Variants in GNAI2 observed in about 807,000 individuals in gnomAD.
The protein encoded by GNAI2 is guanine nucleotide-binding protein G(i) subunit alpha-2.
GNAI2 carries 4 observed loss-of-function variants against 36.8 expected under a neutral mutation model. The observed-to-expected ratio is 0.11, with a 90% CI of 0.05 to 0.25. The LOEUF (loss-of-function observed/expected upper bound fraction) is 0.25. Among genes scored for constraint, GNAI2 ranks in the 10% least tolerant of loss-of-function variants. The pLI is 1.00. For synonymous variants in GNAI2, 194 were observed against 194.1 expected, an observed-to-expected ratio of 1.00 and a Z score of 0.01; for missense variants, 230 against 481.3, an observed-to-expected ratio of 0.48 and a Z score of 4.89.
intron 1 of GNAI2, among the ~76,000 whole-genome samples, chr3:50,237,914 G>A (rs922261122): frequency 4.6e-5 from 7 of 152,244 alleles, no homozygotes; most frequent in African/African-American, 7.2e-5. Flanking sequence ...ACCTGTGGCC[G>A]AGGAACAGCA....
chr3:50,231,403 C>A (rs113756923), upstream of GNAI2, among the ~76,000 whole-genome samples: 205 of 152,326 alleles, frequency 1.3e-3, no homozygotes, highest in African/African-American at 4.5e-3. Context: ...CTCAGCCTCG[C>A]AAGTAGCCGG....
chr3:50,247,035 T>C, intron 1 of GNAI2: 1 of 1,022,680 alleles, frequency 9.8e-7, no homozygotes, highest in Non-Finnish European at 1.5e-6. Context: ...TCAAATGAGA[T>C]GACCACAGCA....
upstream of GNAI2, chr3:50,236,142 C>G: frequency 8.7e-7 from 1 of 1,143,350 alleles, no homozygotes; most frequent in East Asian, 4.2e-5. The surrounding 1 kb of genome is among the most constrained non-coding windows in gnomAD (Gnocchi z 4.0). Flanking sequence ...CTTGGTTCGC[C>G]CAGGCCCCAC....
At chr3:50,256,522 C>T (rs1700707734) in intron 5 of GNAI2, 1 of 710,834 alleles carries the variant, frequency 1.4e-6, no homozygotes, top group South Asian at 1.7e-5. Context: ...CTCTGCTGCT[C>T]CTGCCTGATG....
chr3:50,253,613 G>A lies in GNAI2; in HGVS notation c.464+429G>A, dbSNP rs782600166. 5.3e-5 allele frequency among the ~76,000 whole-genome samples: 8 copies of A among 152,284 alleles called. No individual in the cohort carries two copies. In the South Asian group the frequency reaches 1.5e-3, roughly 28 times the overall value. ...CAAAAAATTAGCCGGGCGTGGTGGA[G>A]GGCGCCTGTAGTCCCAGCTACTCAG... is the stretch of plus-strand genomic sequence containing the variant. On this transcript the variant is annotated intron_variant, in intron 4 of 8. Transcript: ENST00000313601. The surrounding 1 kb of genome is among the most constrained non-coding windows in gnomAD (Gnocchi z 4.2).
chr3:50,250,244 T>A (rs2109205961), intron 1 of GNAI2, among the ~76,000 whole-genome samples: 1 of 152,326 alleles, frequency 6.6e-6, no homozygotes, highest in East Asian at 1.9e-4. Context: ...ATAGCTTTGC[T>A]GTCGATATTG....
At chr3:50,235,000 C>T (rs587682394), upstream of GNAI2, among the ~76,000 whole-genome samples, 1 of 152,334 alleles carries the variant, frequency 6.6e-6, no homozygotes, top group South Asian at 2.1e-4. Context: ...TGGCCACCTC[C>T]AGACGTGGAC....
intron 1 of GNAI2, among the ~76,000 whole-genome samples, chr3:50,243,831 AC>A (rs1164080622): frequency 6.6e-6 from 1 of 152,114 alleles, no homozygotes; most frequent in Non-Finnish European, 1.5e-5. Context: ...GCTGGAAGTA[AC>A]GGATCAGGCA....
upstream of GNAI2, among the ~76,000 whole-genome samples, chr3:50,228,407 A>C (rs1333311485): frequency 6.6e-6 from 1 of 152,076 alleles, no homozygotes; most frequent in Non-Finnish European, 1.5e-5. Context: ...CAAAAAAATT[A>C]GCTGGGCGTG....
At chr3:50,234,913 C>T (rs988668917), upstream of GNAI2, among the ~76,000 whole-genome samples, 5 of 152,224 alleles carry the variant, frequency 3.3e-5, no homozygotes, top group Admixed American at 3.3e-4. Flanking sequence ...GCTGCTTCCA[C>T]CCCACCTTTG....
At chr3:50,246,737 T>C (rs1553701823) in intron 1 of GNAI2, among the ~76,000 whole-genome samples, 1 of 152,240 alleles carries the variant, frequency 6.6e-6, no homozygotes, top group Non-Finnish European at 1.5e-5. Context: ...GTATGGGGGT[T>C]CTCTCCAGGG....
rs1198281545 is a variant in GNAI2, at chr3:50,236,293, G to T, written c.-43G>T. The T allele has an allele frequency of 6.9e-6, 9 of 1,311,498 alleles. No individual in the cohort carries two copies. Among genetic ancestry groups the T allele is most frequent in the Middle Eastern group, 2.3e-4 (1 of 4,290 alleles). The allele number at this position is 1,311,498 out of a possible 1,614,324, so 81.2% of individuals were successfully genotyped here. The stretch of plus-strand genomic sequence containing the variant: ...CGGGCGGGGCCGAGCCGGGCCGTGG[G>T]CCGTGTGGGGGCCGGGCGGCGGCCG... On this transcript the variant is annotated 5_prime_UTR_variant, in exon 1 of 9. Coordinates refer to ENST00000313601, the MANE Select transcript of GNAI2 (RefSeq NM_002070.4). The surrounding 1 kb of genome is among the most constrained non-coding windows in gnomAD (Gnocchi z 4.0).
Position 50,252,061 on chromosome 3 carries a change from C to G in GNAI2, c.119-39C>G. On this transcript the variant is annotated intron_variant, in intron 1 of 8. Coordinates refer to ENST00000313601, the MANE Select transcript of GNAI2 (RefSeq NM_002070.4). This position sits in a 1 kb window ranked among gnomAD's most constrained non-coding sequence, Gnocchi z 4.1. ...TTTGTTCTGTGCCTGTGGAGCCCCT[C>G]TGGGCCTGCCCCCTGACCACCTGTG... 1 of 1,607,048 alleles carries G rather than the reference C, an allele frequency of 6.2e-7. No individual in the cohort carries two copies. The highest frequency in any genetic ancestry group is 8.5e-7 in the Non-Finnish European group (1 of 1,174,002).
intron 8 of GNAI2, 186 bp downstream of exon 8, chr3:50,257,900 T>C: frequency 2.0e-6 from 1 of 506,448 alleles, no homozygotes; most frequent in Non-Finnish European, 3.5e-6. Context: ...GTGCAGGGCA[T>C]GGAGGAGGTC....
intron 1 of GNAI2, chr3:50,251,256 C>G (rs1316725381): frequency 1.7e-6 from 1 of 576,916 alleles, no homozygotes; most frequent in Non-Finnish European, 2.2e-6. Flanking sequence ...TAGATCAATA[C>G]TTTATTTTTC....
chr3:50,248,475 C>T (rs782563024), intron 1 of GNAI2, among the ~76,000 whole-genome samples: 2 of 152,184 alleles, frequency 1.3e-5, no homozygotes, highest in Non-Finnish European at 2.9e-5. Context: ...CTTCACCCCA[C>T]CCATTCCACC....
chr3:50,228,227 A>G (rs147781210), upstream of GNAI2, among the ~76,000 whole-genome samples: 59 of 152,236 alleles, frequency 3.9e-4, no homozygotes, highest in East Asian at 0.011. Flanking sequence ...TACTACTCAT[A>G]GCAACCAGAA....
chr3:50,254,054 C>T (rs782279974), intron 4 of GNAI2, among the ~76,000 whole-genome samples: 20 of 152,002 alleles, frequency 1.3e-4, no homozygotes, highest in Non-Finnish European at 2.4e-4. Context: ...GTGTGTAGGT[C>T]AGAGCCCCTG....
chr3:50,252,532 C>T lies in GNAI2; in HGVS notation c.297C>T (p.Ser99=). ...TGCAGATCGACTTTGCCGACCCCTCCAGAGCGGTATGTGCCCTCCGCCCCA... is the reference window on the plus strand; with the variant it reads ...TGCAGATCGACTTTGCCGACCCCTCTAGAGCGGTATGTGCCCTCCGCCCCA... ...GNLQIDFADP[S]RADDARQLFA... The change falls in exon 3 of 9, where the codon TCC becomes TCT. Residue 99 remains serine (S), a synonymous_variant. Transcript: ENST00000313601. This position sits in a 1 kb window ranked among gnomAD's most constrained non-coding sequence, Gnocchi z 4.1. The T allele has an allele frequency of 1.2e-6, 2 of 1,612,876 alleles. No individual in the cohort carries two copies. The highest frequency in any genetic ancestry group is 2.2e-5 in the South Asian group (2 of 91,042).
Sources: allele counts gnomAD v4.1 joint callset (sites outside exome capture counted in the v4.1 genomes callset), GRCh38; gene constraint gnomAD v4.1.1; non-coding constraint Gnocchi (gnomAD v3.1); transcripts MANE v1.5; gene names NCBI Gene and HGNC (gene_info 2026-07-23, HGNC 2026-07-21).